Variants in ALG6 observed in about 807,000 individuals in gnomAD.
ALG6 encodes the protein ALG6 alpha-1,3-glucosyltransferase.
A neutral mutation model predicts 66.6 loss-of-function variants in ALG6; 46 were observed. The ratio of observed to expected loss-of-function variants is 0.69; its 90% confidence interval spans 0.55 to 0.88. The LOEUF (loss-of-function observed/expected upper bound fraction) is 0.88. ALG6 is among the 40% of genes least tolerant of loss of function. The pLI, the probability that ALG6 is intolerant of heterozygous loss-of-function variation, is 0.00. For missense variants in ALG6, 505 were observed against 586.8 expected (o/e 0.86, Z 1.44); for synonymous variants, 185 against 203.7 (o/e 0.91, Z 0.78).
chr1:63,427,309 G>A (rs962041219), intron 12 of ALG6, among the ~76,000 whole-genome samples: 10 of 151,696 alleles, frequency 6.6e-5, no homozygotes, highest in African/African-American at 1.9e-4. Flanking sequence ...CACTGCGCCC[G>A]GCCTAGTAAT....
At chr1:63,374,640 A>T (rs1570031283) in intron 2 of ALG6, among the ~76,000 whole-genome samples, 1 of 145,142 alleles carries the variant, frequency 6.9e-6, no homozygotes, top group East Asian at 2.1e-4. Context: ...AAAAAAAAAA[A>T]GGATTCTTGT....
At chr1:63,431,938 A>T (rs11208218) in intron 14 of ALG6, among the ~76,000 whole-genome samples, 2,901 of 152,268 alleles carry the variant, frequency 0.019, 88 homozygotes, top group African/African-American at 0.066. Context: ...AGATAATGTA[A>T]TCTGCAAACC....
At chr1:63,420,704 C>CA (rs1644568580) in intron 12 of ALG6, among the ~76,000 whole-genome samples, 1 of 151,370 alleles carries the variant, frequency 6.6e-6, no homozygotes, top group African/African-American at 2.4e-5. Context: ...ACTAAAAATA[C>CA]AAAAAAATTA....
chr1:63,421,854 C>T (rs890011838), intron 12 of ALG6, among the ~76,000 whole-genome samples: 1 of 150,120 alleles, frequency 6.7e-6, no homozygotes, highest in African/African-American at 2.5e-5. Context: ...GGGAACATCA[C>T]ACACTGGCCT....
In ALG6 at chr1:63,433,554, G is replaced by C. The variant is rs1359837222; in HGVS notation, c.1327-3269G>C. ...TACTCAGGGGTTCAAATGGAAAGTA[G>C]ATATAAAGTTCATTTTTTGTTAGTA... On this transcript the variant is annotated intron_variant, in intron 14 of 14. Transcript: ENST00000263440. This position sits in a 1 kb window ranked among gnomAD's most constrained non-coding sequence, Gnocchi z 4.2. 6.6e-6 allele frequency among the ~76,000 whole-genome samples: 1 copy of C among 152,132 alleles called. No homozygotes were observed. Among genetic ancestry groups the C allele is most frequent in the Non-Finnish European group, 1.5e-5 (1 of 68,026 alleles).
chr1:63,400,126 G>A (rs1418690967), intron 3 of ALG6, among the ~76,000 whole-genome samples: 12 of 144,336 alleles, frequency 8.3e-5, no homozygotes, highest in East Asian at 2.0e-4. Flanking sequence ...CCTGGGAGGC[G>A]GAGGTTGCAG....
chr1:63,395,270 G>A (rs745998837), intron 2 of ALG6, among the ~76,000 whole-genome samples: 2 of 152,186 alleles, frequency 1.3e-5, no homozygotes, highest in Non-Finnish European at 1.5e-5. Context: ...TGAAATTAAA[G>A]TAATCAAACC....
chr1:63,427,716 GAATCCCA>G (rs754132944), intron 12 of ALG6, among the ~76,000 whole-genome samples: 2 of 151,048 alleles, frequency 1.3e-5, no homozygotes, highest in South Asian at 4.2e-4. Flanking sequence ...TGCCACAATT[GAATCCCA>G]AAGGTACTGG....
At chr1:63,406,284 C>T (rs760690884) in intron 5 of ALG6, 33 bp from the exon 6 acceptor site, 12 of 1,577,252 alleles carry the variant, frequency 7.6e-6, no homozygotes, top group South Asian at 2.2e-5. Flanking sequence ...TCCTGATGGA[C>T]TCATGTTTAA....
intron 12 of ALG6, among the ~76,000 whole-genome samples, chr1:63,425,495 A>C (rs1644610590): frequency 6.6e-6 from 1 of 152,188 alleles, no homozygotes; most frequent in South Asian, 2.1e-4. Context: ...GTGAGAGGGA[A>C]AGTCATTAGC....
intron 12 of ALG6, among the ~76,000 whole-genome samples, chr1:63,420,852 C>T (rs944392248): frequency 2.1e-5 from 3 of 140,766 alleles, no homozygotes; most frequent in African/African-American, 8.3e-5. Context: ...CAGACTGAGA[C>T]TCTGTCTCAA....
rs147809070 is a variant in ALG6 at position 63,429,061 on chromosome 1, T to A, written c.1261T>A (p.Phe421Ile). 1 of 1,604,912 alleles carries A rather than the reference T, an allele frequency of 6.2e-7. No homozygotes were observed. The highest frequency in any genetic ancestry group is 1.3e-5 in the African/African-American group (1 of 74,654). ...TGAAGAAGAACTGCAGTTGAAATCC[T>A]TTTCCATTTCTGTGAGGAAATATCT... ...TSEEELQLKS[F>I]SISVRKYLPC... Residue 421 changes from phenylalanine to isoleucine, a missense_variant, in exon 14 of 15, where the codon TTT becomes ATT. Transcript: ENST00000263440.
intron 14 of ALG6, 72 bp downstream of exon 14, chr1:63,429,198 TTTTC>T (rs1644632916): frequency 9.2e-6 from 10 of 1,087,370 alleles, no homozygotes; most frequent in Non-Finnish European, 1.4e-5. Flanking sequence ...GAAGTAGTGA[TTTTC>T]TTTTATACCT....
intron 2 of ALG6, among the ~76,000 whole-genome samples, chr1:63,386,596 G>A (rs1648510820): frequency 2.0e-5 from 3 of 151,934 alleles, no homozygotes; most frequent in African/African-American, 7.3e-5. Flanking sequence ...CCAGTTTTTT[G>A]GCATATAATT....
At chr1:63,377,941 G>C (rs1232984439) in intron 2 of ALG6, among the ~76,000 whole-genome samples, 1 of 152,068 alleles carries the variant, frequency 6.6e-6, no homozygotes, top group Admixed American at 6.6e-5. Context: ...AGGTCCTGCT[G>C]TGTTGCCCAA....
chr1:63,419,621 C>T (rs1177260304), intron 12 of ALG6, among the ~76,000 whole-genome samples, 181 bp downstream of exon 12: 3 of 152,040 alleles, frequency 2.0e-5, no homozygotes, highest in African/African-American at 7.2e-5. Flanking sequence ...GTATTTTAAA[C>T]TGAAAAATTT....
At chr1:63,427,668 T>C (rs1200449701) in intron 12 of ALG6, among the ~76,000 whole-genome samples, 2 of 152,024 alleles carry the variant, frequency 1.3e-5, no homozygotes, top group Non-Finnish European at 2.9e-5. Flanking sequence ...GGACCAGGAC[T>C]CAGGGCTTCA....
At chr1:63,384,344 A>AT (rs1210749071) in intron 2 of ALG6, among the ~76,000 whole-genome samples, 1 of 151,700 alleles carries the variant, frequency 6.6e-6, no homozygotes, top group Middle Eastern at 3.4e-3. Context: ...GGGTTATTTA[A>AT]TTTTTTTTCC....
chr1:63,374,904 A>G (rs1225837085), intron 2 of ALG6, among the ~76,000 whole-genome samples: 1 of 152,174 alleles, frequency 6.6e-6, no homozygotes, highest in African/African-American at 2.4e-5. Flanking sequence ...GTGGACATGT[A>G]AATACATACT....
Sources: allele counts gnomAD v4.1 joint callset (sites outside exome capture counted in the v4.1 genomes callset), GRCh38; gene constraint gnomAD v4.1.1; non-coding constraint Gnocchi (gnomAD v3.1); transcripts MANE v1.5; gene names NCBI Gene and HGNC (gene_info 2026-07-23, HGNC 2026-07-21).